CHST9: variants seen among roughly 807,000 people sequenced by gnomAD.
CHST9 encodes the protein GalNAc-4-sulfotransferase 2.
CHST9 carries 41 observed loss-of-function variants against 44.4 expected under a neutral mutation model. The ratio of observed to expected loss-of-function variants is 0.92; its 90% CI spans 0.72 to 1.20. CHST9 has a LOEUF of 1.20. CHST9 is among the 50% of genes most tolerant of loss of function. The pLI is 0.00. For synonymous variants in CHST9, 171 were observed against 178.4 expected (o/e 0.96, Z 0.33); for missense variants, 504 against 516.5 (o/e 0.98, Z 0.23).
At chr18:27,123,344 G>C (rs570353355) in intron 2 of CHST9, among the ~76,000 whole-genome samples, 2 of 152,214 alleles carry the variant, frequency 1.3e-5, no homozygotes, top group South Asian at 2.1e-4. Context: ...CTGGTGCCCT[G>C]TAATACCCCC....
Position 27,149,138 on chromosome 18 carries a change from A to T in CHST9, c.-96-6233T>A, listed in dbSNP as rs58450895. On this transcript the variant is annotated intron_variant, in intron 1 of 5. Coordinates refer to ENST00000618847, the MANE Select transcript of CHST9 (RefSeq NM_031422.6). ...TTTTCTTGTAAATTTGTTTGAGTTCATTGTAGATTCTGGATATTAGCCCTT... is the reference window on the plus strand; with the variant it reads ...TTTTCTTGTAAATTTGTTTGAGTTCTTTGTAGATTCTGGATATTAGCCCTT... Among the ~76,000 whole-genome samples, 107 of 123,356 alleles carry T rather than the reference A, an allele frequency of 8.7e-4. 9 individuals carry two copies. Among genetic ancestry groups the T allele is most frequent in the Middle Eastern group, 4.6e-3 (1 of 216 alleles). The allele number at this position is 123,356 out of a possible 152,430, so 80.9% of individuals were successfully genotyped here.
intron 1 of CHST9, among the ~76,000 whole-genome samples, chr18:27,151,149 A>G (rs1004625844): frequency 6.6e-6 from 1 of 152,136 alleles, no homozygotes; most frequent in South Asian, 2.1e-4. Context: ...GACCTTTATC[A>G]TTTATTATTT....
Position 27,185,127 on chromosome 18 carries a change from C to G in CHST9, c.-97+9G>C, listed in dbSNP as rs1034310006. 3 of 152,206 alleles carry G rather than the reference C, an allele frequency of 2.0e-5. No homozygotes were observed. Among genetic ancestry groups the G allele is most frequent in the Admixed American group, 2.0e-4 (3 of 15,288 alleles). The allele number at this position is 152,206 out of a possible 1,614,324, so 9.4% of individuals were successfully genotyped here. The stretch of plus-strand genomic sequence containing the variant: ...CCCCCAGCCCCAACCCCAGCCCCAG[C>G]GCGGTTACCTCGCGGGCCGCTGCCG... On this transcript the variant is annotated intron_variant, in intron 1 of 5. Transcript: ENST00000618847.
chr18:27,088,536 A>G (rs1568167306), intron 2 of CHST9, among the ~76,000 whole-genome samples: 1 of 152,160 alleles, frequency 6.6e-6, no homozygotes, highest in East Asian at 1.9e-4. Context: ...CTGGGACTAC[A>G]GGCACGTGCC....
chr18:27,144,948 T>A (rs187326170), intron 1 of CHST9, among the ~76,000 whole-genome samples: 32 of 152,056 alleles, frequency 2.1e-4, no homozygotes, highest in African/African-American at 7.5e-4. Context: ...TGTGCCAATG[T>A]ACTCCACCCT....
At chr18:27,033,970 C>A (rs992082472) in intron 3 of CHST9, among the ~76,000 whole-genome samples, 1 of 152,162 alleles carries the variant, frequency 6.6e-6, no homozygotes, top group Non-Finnish European at 1.5e-5. Flanking sequence ...CATCGATAAC[C>A]AAGTCCTGTT....
chr18:26,940,557 G>C (rs1006200598), intron 5 of CHST9, among the ~76,000 whole-genome samples: 4 of 152,212 alleles, frequency 2.6e-5, no homozygotes, highest in African/African-American at 9.6e-5. Flanking sequence ...AGGCTAACAG[G>C]AGAGCCTCAG....
At chr18:26,994,018 A>G (rs1208704048) in intron 4 of CHST9, among the ~76,000 whole-genome samples, 1 of 152,148 alleles carries the variant, frequency 6.6e-6, no homozygotes, top group Non-Finnish European at 1.5e-5. Context: ...CTCTGCCCTT[A>G]CAGATTTGAT....
chr18:27,062,794 C>T (rs1482582358), intron 2 of CHST9, among the ~76,000 whole-genome samples: 1 of 152,196 alleles, frequency 6.6e-6, no homozygotes, highest in Non-Finnish European at 1.5e-5. Context: ...AAAAGTGTTC[C>T]TATTTCTCCA....
intron 1 of CHST9, among the ~76,000 whole-genome samples, chr18:27,173,109 T>C (rs1276745125): frequency 6.6e-6 from 1 of 152,088 alleles, no homozygotes; most frequent in Admixed American, 6.5e-5. Flanking sequence ...TATTTACAAA[T>C]TTATAAATAT....
intron 4 of CHST9, among the ~76,000 whole-genome samples, chr18:27,006,795 T>C (rs566623775): frequency 5.9e-5 from 9 of 152,156 alleles, no homozygotes; most frequent in Non-Finnish European, 1.0e-4. Flanking sequence ...CTGAGATAGA[T>C]TGAGTCAAAG....
chr18:27,055,937 C>CGTGTGTGTGTGT lies in CHST9; in HGVS notation c.122-7446_122-7435dup, dbSNP rs35128328. 1.5e-3 allele frequency among the ~76,000 whole-genome samples: 222 copies of CGTGTGTGTGTGT among 147,444 alleles called. 1 individual carries two copies. Among genetic ancestry groups the CGTGTGTGTGTGT allele is most frequent in the African/African-American group, 5.0e-3 (202 of 40,394 alleles). The stretch of plus-strand genomic sequence containing the variant: ...TTTTCTTCTCACCTCTTCTCTCTTT[C>CGTGTGTGTGTGT]GTGTGTGTGTGTGTGTGTGTGTGTG... On this transcript the variant is annotated intron_variant, in intron 2 of 5. Coordinates refer to ENST00000618847, the MANE Select transcript of CHST9 (RefSeq NM_031422.6).
At chr18:26,987,835 G>GAGA (rs1379276343) in intron 4 of CHST9, among the ~76,000 whole-genome samples, 13 of 152,106 alleles carry the variant, frequency 8.5e-5, no homozygotes, top group Non-Finnish European at 1.2e-4. Flanking sequence ...AGGACCCGAA[G>GAGA]AGAAATTGGC....
intron 2 of CHST9, among the ~76,000 whole-genome samples, chr18:27,132,215 A>T (rs2058477796): frequency 6.6e-6 from 1 of 152,242 alleles, no homozygotes; most frequent in African/African-American, 2.4e-5. Context: ...TTAACATTGT[A>T]AGAGACTTTA....
At chr18:27,155,266 T>C (rs1374051583) in intron 1 of CHST9, among the ~76,000 whole-genome samples, 2 of 152,172 alleles carry the variant, frequency 1.3e-5, no homozygotes, top group Non-Finnish European at 2.9e-5. Flanking sequence ...TATCTTTATA[T>C]TCCAGATGCT....
At chr18:27,019,113 C>G (rs542421537) in intron 4 of CHST9, among the ~76,000 whole-genome samples, 2 of 152,114 alleles carry the variant, frequency 1.3e-5, no homozygotes, top group African/African-American at 4.8e-5. Context: ...TACGATGTAC[C>G]TCCCTCCCTT....
At chr18:27,099,753 G>A (rs1045617491) in intron 2 of CHST9, among the ~76,000 whole-genome samples, 12 of 152,000 alleles carry the variant, frequency 7.9e-5, no homozygotes, top group African/African-American at 1.2e-4. Context: ...CAGAGAAAAG[G>A]GAATGCTTAT....
At chr18:27,143,422 A>G (rs2143872327) in intron 1 of CHST9, among the ~76,000 whole-genome samples, 1 of 152,244 alleles carries the variant, frequency 6.6e-6, no homozygotes, top group East Asian at 1.9e-4. Flanking sequence ...ATAAAAAGAT[A>G]AATAATAAAA....
intron 1 of CHST9, among the ~76,000 whole-genome samples, chr18:27,153,568 ATGTG>A (rs35308421): frequency 1.3e-4 from 16 of 120,824 alleles, no homozygotes; most frequent in African/African-American, 3.2e-4. Flanking sequence ...GTGTGTGTGT[ATGTG>A]TGTGTGTGTG....
Sources: allele counts gnomAD v4.1 joint callset (sites outside exome capture counted in the v4.1 genomes callset), GRCh38; gene constraint gnomAD v4.1.1; transcripts MANE v1.5; gene names NCBI Gene and HGNC (gene_info 2026-07-23, HGNC 2026-07-21).